Variants in FAS observed in about 807,000 individuals in gnomAD.
FAS encodes the protein tumor necrosis factor receptor superfamily member 6.
Under a neutral mutation model 33.2 loss-of-function variants are expected in FAS, and 5 were observed. The observed-to-expected ratio is 0.15, with a 90% CI of 0.08 to 0.32. The LOEUF is 0.32. Ranked by LOEUF, FAS falls within the 10% of genes least tolerant of loss-of-function variation. The pLI, the probability that FAS is intolerant of heterozygous loss-of-function variation, is 1.00. For missense variants in FAS, 339 were observed against 386.0 expected (o/e 0.88, Z 1.02); for synonymous variants, 131 against 130.7 (o/e 1.00, Z -0.01).
chr10:88,974,990 T>C (rs1276985499), intron 2 of FAS: 2 of 152,168 alleles, frequency 1.3e-5, no homozygotes, highest in African/African-American at 4.8e-5. Flanking sequence ...GTGAGGAAAA[T>C]AATAAGTTTA....
chr10:88,994,880 T>G (rs1299349483), intron 1 of FAS, among the ~76,000 whole-genome samples: 1 of 151,492 alleles, frequency 6.6e-6, no homozygotes, highest in Non-Finnish European at 1.5e-5. Flanking sequence ...TTCTTAAATG[T>G]ACTGGGATAC....
intron 1 of FAS, among the ~76,000 whole-genome samples, chr10:88,970,799 C>A (rs1164166598): frequency 6.6e-6 from 1 of 152,032 alleles, no homozygotes; most frequent in Non-Finnish European, 1.5e-5. Context: ...AGCACACCAA[C>A]ATGGCACGTG....
At chr10:88,980,347 A>T (rs955680236) in intron 2 of FAS, among the ~76,000 whole-genome samples, 2 of 152,242 alleles carry the variant, frequency 1.3e-5, no homozygotes, top group Admixed American at 6.5e-5. Flanking sequence ...AGGAGAGCAC[A>T]TTAGCAAGCA....
At chr10:88,973,407 A>G in intron 2 of FAS, 1 of 1,321,312 alleles carries the variant, frequency 7.6e-7, no homozygotes, top group Non-Finnish European at 9.9e-7. Context: ...TCCCGATGAA[A>G]ACAACTCTTT....
At chr10:88,989,131 A>C (rs930496172), upstream of FAS, among the ~76,000 whole-genome samples, 1 of 152,186 alleles carries the variant, frequency 6.6e-6, no homozygotes, top group South Asian at 2.1e-4. Flanking sequence ...TTTGTAAAGT[A>C]AGTTTAATAA....
upstream of FAS, chr10:88,990,790 G>T: frequency 6.4e-7 from 1 of 1,572,912 alleles, no homozygotes. The surrounding 1 kb of genome is among the most constrained non-coding windows in gnomAD (Gnocchi z 4.9). Flanking sequence ...CTGCCCAGGC[G>T]GAGCTGCCTC....
At chr10:88,980,928 A>T (rs529844417) in intron 2 of FAS, among the ~76,000 whole-genome samples, 1 of 152,338 alleles carries the variant, frequency 6.6e-6, no homozygotes, top group East Asian at 1.9e-4. Flanking sequence ...CTAAATTTGG[A>T]AAGGTCACAA....
chr10:88,970,363 T>C lies in FAS; in HGVS notation n.95-2819T>C, dbSNP rs77093896. The stretch of plus-strand genomic sequence containing the variant: ...TCTGTCCTCTTCGCTGAGTTCCTTT[T>C]GAATGCAGCAAATTGCTGTGCCCTT... On this transcript the variant is annotated intron_variant and non_coding_transcript_variant, in intron 1 of 3. Transcript: ENST00000688239. Among the ~76,000 whole-genome samples, 1,248 of 152,284 alleles carry C rather than the reference T, an allele frequency of 8.2e-3. 38 individuals are homozygous for C. In the East Asian group the frequency reaches 0.13, roughly 15 times the overall value.
At chr10:89,011,946 A>G (rs1017610739) in intron 6 of FAS, 53 bp from the exon 7 acceptor site, 6 of 1,412,104 alleles carry the variant, frequency 4.2e-6, no homozygotes, top group Non-Finnish European at 6.0e-6. Context: ...ATGTTCTCAC[A>G]TGCATTCTAC....
rs1397098532 is a variant in FAS, at chr10:89,007,661, T to C, written c.197-39T>C. On this transcript the variant is annotated intron_variant, in intron 2 of 8. Transcript: ENST00000652046. ...TAGTTCCCACCCTGTTACCTGCCCG[T>C]GTCCTGTTCAAACACTTGCTCCTTT... 5 of 1,608,862 alleles carry C rather than the reference T, an allele frequency of 3.1e-6. No individual in the cohort carries two copies. The Admixed American group carries it at 6.7e-5, about 22-fold the overall frequency.
chr10:88,976,549 G>A (rs528680837), intron 2 of FAS, among the ~76,000 whole-genome samples: 114 of 152,232 alleles, frequency 7.5e-4, no homozygotes, highest in Non-Finnish European at 7.1e-4. Context: ...AAATTTTGTA[G>A]TTCTATAGCA....
rs1235971558 is a variant in FAS at position 88,977,606 on chromosome 10, C to G, written n.260+4259C>G. 8.6e-3 allele frequency among the ~76,000 whole-genome samples: 1,306 copies of G among 151,894 alleles called. 14 individuals carry two copies. Among genetic ancestry groups the G allele is most frequent in the African/African-American group, 0.03 (1,236 of 41,390 alleles). ...GGGCAAAGGACATGAACAGACACTT[C>G]TCAAAAGAAGACATTTATGCAGCCA... On this transcript the variant is annotated intron_variant and non_coding_transcript_variant, in intron 2 of 3. Coordinates refer to the FAS transcript ENST00000688239.
At chr10:88,982,834 C>T (rs1055986714), upstream of FAS, among the ~76,000 whole-genome samples, 2 of 152,144 alleles carry the variant, frequency 1.3e-5, no homozygotes, top group African/African-American at 2.4e-5. Context: ...TTCCCATCTA[C>T]TACCACTAAA....
intron 2 of FAS, among the ~76,000 whole-genome samples, chr10:89,003,674 C>T (rs1848060535): frequency 6.6e-6 from 1 of 151,874 alleles, no homozygotes; most frequent in African/African-American, 2.4e-5. Flanking sequence ...AATAACTAGA[C>T]GAATAAGAAA....
upstream of FAS, among the ~76,000 whole-genome samples, chr10:88,988,067 G>A (rs900688355): frequency 8.6e-5 from 13 of 152,026 alleles, no homozygotes; most frequent in African/African-American, 2.9e-4. Context: ...CTAAAGTTTT[G>A]GACTTGCCAG....
intron 2 of FAS, chr10:88,973,413 T>C: frequency 7.8e-7 from 1 of 1,279,198 alleles, no homozygotes; most frequent in Non-Finnish European, 1.0e-6. Context: ...TGAAAACAAC[T>C]CTTTCTTGTT....
chr10:88,999,405 A>G (rs1430211921), intron 1 of FAS, among the ~76,000 whole-genome samples: 1 of 152,188 alleles, frequency 6.6e-6, no homozygotes, highest in Non-Finnish European at 1.5e-5. Context: ...AAATCTATTA[A>G]CATGCATTTC....
intron 1 of FAS, among the ~76,000 whole-genome samples, chr10:89,000,001 C>T (rs1847835069): frequency 6.6e-6 from 1 of 152,186 alleles, no homozygotes; most frequent in Non-Finnish European, 1.5e-5. Flanking sequence ...TTTAGTGTAA[C>T]ATATTTTTGT....
At chr10:88,990,590 C>G (rs573539833), upstream of FAS, 1 of 672,064 alleles carries the variant, frequency 1.5e-6, no homozygotes, top group African/African-American at 1.8e-5. This position sits in a 1 kb window ranked among gnomAD's most constrained non-coding sequence, Gnocchi z 4.9. Context: ...CCGGGCGTTC[C>G]CCAGCGAGGC....
Sources: allele counts gnomAD v4.1 joint callset (sites outside exome capture counted in the v4.1 genomes callset), GRCh38; gene constraint gnomAD v4.1.1; non-coding constraint Gnocchi (gnomAD v3.1); transcripts MANE v1.5; gene names NCBI Gene and HGNC (gene_info 2026-07-23, HGNC 2026-07-21).